CAPN8: variants seen among roughly 807,000 people sequenced by gnomAD.
CAPN8 encodes the protein calpain-8.
Under a neutral mutation model 80.9 loss-of-function variants are expected in CAPN8, and 87 were observed. The ratio of observed to expected loss-of-function variants is 1.07; its 90% CI spans 0.90 to 1.28. The LOEUF (loss-of-function observed/expected upper bound fraction) is 1.28. Among genes scored for constraint, CAPN8 ranks in the 50% most tolerant of loss-of-function variants. The probability of loss-of-function intolerance (pLI) is 0.00; values close to 1 mark genes in which losing one functional copy is unlikely to be tolerated. For missense variants in CAPN8, 757 were observed against 702.0 expected (o/e 1.08, Z -0.89); for synonymous variants, 299 against 273.8 (o/e 1.09, Z -0.91).
intron 2 of CAPN8, among the ~76,000 whole-genome samples, chr1:223,629,232 T>TGTGTG (rs68132305): frequency 0.088 from 11,713 of 132,468 alleles, 536 homozygotes; most frequent in East Asian, 0.14. Context: ...GTGTGTGTGT[T>TGTGTG]TATGTTCCTT....
Position 223,625,893 on chromosome 1 carries a change from G to C in CAPN8, c.730-5C>G, listed in dbSNP as rs377765505. ...GGCTTCGGCTGCACTGGAGACCTGC[G>C]TAGAGAAGAAAGTCCACTCAGTGGC... On this transcript the variant is annotated splice_polypyrimidine_tract_variant and splice_region_variant and intron_variant, in intron 5 of 20. Coordinates refer to ENST00000366872, the MANE Select transcript of CAPN8 (RefSeq NM_001143962.2). 6.5e-7 allele frequency: 1 copy of C among 1,549,900 alleles called. No individual in the cohort carries two copies.
At chr1:223,661,028 T>G (rs574318844) in intron 1 of CAPN8, among the ~76,000 whole-genome samples, 314 of 151,342 alleles carry the variant, frequency 2.1e-3, no homozygotes, top group African/African-American at 7.4e-3. Context: ...ATTAGCCAAT[T>G]GGTGGCAGGA....
chr1:223,548,628 A>G (rs1403641906), intron 16 of CAPN8, among the ~76,000 whole-genome samples: 1 of 152,158 alleles, frequency 6.6e-6, no homozygotes, highest in Non-Finnish European at 1.5e-5. Flanking sequence ...GAACTAGGAA[A>G]CTGGCCCTTA....
chr1:223,656,668 G>GTTTTTTTTTTTTTT (rs1331913444), intron 1 of CAPN8, among the ~76,000 whole-genome samples: 2 of 94,798 alleles, frequency 2.1e-5, no homozygotes, highest in Non-Finnish European at 2.1e-5. Flanking sequence ...CACGTTTTGG[G>GTTTTTTTTTTTTTT]TTTTTTTGTT....
At chr1:223,622,053 G>A (rs1172302996) in intron 7 of CAPN8, among the ~76,000 whole-genome samples, 1 of 151,994 alleles carries the variant, frequency 6.6e-6, no homozygotes, top group African/African-American at 2.4e-5. Context: ...TGATCCACCC[G>A]CCTAGGCCTC....
At chr1:223,633,691 C>T (rs1468239893) in intron 2 of CAPN8, among the ~76,000 whole-genome samples, 1 of 152,082 alleles carries the variant, frequency 6.6e-6, no homozygotes, top group Admixed American at 6.6e-5. Flanking sequence ...TAAAATCCAC[C>T]AGGAGATAAT....
chr1:223,625,967 A>C, intron 5 of CAPN8, 79 bp from the exon 6 acceptor site: 2 of 1,141,538 alleles, frequency 1.8e-6, no homozygotes, highest in Non-Finnish European at 2.6e-6. Flanking sequence ...CCAAGGACAC[A>C]CTACACAGCC....
intron 19 of CAPN8, 46 bp from the exon 20 acceptor site, chr1:223,543,212 G>C (rs1197083017): frequency 6.5e-7 from 1 of 1,547,076 alleles, no homozygotes; most frequent in East Asian, 2.4e-5. Flanking sequence ...GCTGTTCCTG[G>C]ACTTTGGAAC....
chr1:223,626,922 C>T, intron 5 of CAPN8, 67 bp downstream of exon 5: 1 of 1,505,670 alleles, frequency 6.6e-7, no homozygotes, highest in Non-Finnish European at 9.0e-7. Flanking sequence ...GCTGTCTCAT[C>T]CCTTCCCTAC....
chr1:223,651,933 G>A (rs1366357670), intron 2 of CAPN8, among the ~76,000 whole-genome samples: 3 of 152,210 alleles, frequency 2.0e-5, no homozygotes, highest in Admixed American at 1.3e-4. Flanking sequence ...AAAGAAACAC[G>A]GAGGGAATTT....
At chr1:223,650,951 A>G (rs1253643831) in intron 2 of CAPN8, among the ~76,000 whole-genome samples, 1 of 152,218 alleles carries the variant, frequency 6.6e-6, no homozygotes, top group Non-Finnish European at 1.5e-5. Flanking sequence ...TGGAACGAGC[A>G]GTGGAGGGAC....
chr1:223,541,631 T>C lies in CAPN8; in HGVS notation c.*205A>G. On this transcript the variant is annotated 3_prime_UTR_variant, in exon 21 of 21. Coordinates refer to ENST00000366872, the MANE Select transcript of CAPN8 (RefSeq NM_001143962.2). The stretch of plus-strand genomic sequence containing the variant: ...GTGGAAACCATTCTGGCTCACAACT[T>C]TAATTGATTGCTTTCCCTCCACTGG... 1 of 682,126 alleles carries C rather than the reference T, an allele frequency of 1.5e-6. No individual in the cohort carries two copies. The highest frequency in any genetic ancestry group is 2.5e-6 in the Non-Finnish European group (1 of 392,486). The allele number at this position is 682,126 out of a possible 1,614,324, so 42.3% of individuals were successfully genotyped here.
intron 2 of CAPN8, among the ~76,000 whole-genome samples, chr1:223,638,846 G>A (rs147466131): frequency 3.3e-5 from 5 of 152,326 alleles, no homozygotes; most frequent in South Asian, 2.1e-4. Context: ...TAAAGCACTC[G>A]TTCTCTGCAC....
At chr1:223,646,261 T>G (rs1182289386) in intron 2 of CAPN8, among the ~76,000 whole-genome samples, 1 of 152,256 alleles carries the variant, frequency 6.6e-6, no homozygotes, top group Non-Finnish European at 1.5e-5. Context: ...TCACCTGTCC[T>G]TTCTCTCGTG....
At chr1:223,618,354 G>C (rs372112264) in intron 9 of CAPN8, 3 of 1,543,202 alleles carry the variant, frequency 1.9e-6, no homozygotes, top group Non-Finnish European at 2.6e-6. Flanking sequence ...GAGGACCCAG[G>C]GTTAGTGCGG....
At chr1:223,545,073 A>G in intron 17 of CAPN8, 158 bp downstream of exon 17, 1 of 1,405,634 alleles carries the variant, frequency 7.1e-7, no homozygotes, top group Non-Finnish European at 9.6e-7. Flanking sequence ...TTGGCATGAG[A>G]GTCTCTCATT....
Position 223,627,220 on chromosome 1 carries a change from G to C in CAPN8, c.561-63C>G, listed in dbSNP as rs180869830. On this transcript the variant is annotated intron_variant, in intron 4 of 20. Transcript: ENST00000366872. ...CTCAGCAAGGAGACCCGGGGATTGG[G>C]GACCGGGACAGTGCTAGGACATACT... 2.6e-6 allele frequency: 4 copies of C among 1,514,278 alleles called. No homozygotes were observed. In the African/African-American group the frequency reaches 5.5e-5, roughly 21 times the overall value. 93.8% of individuals were successfully genotyped at this position (1,514,278 alleles called of 1,614,324 possible).
At chr1:223,622,304 T>C (rs976596369) in intron 7 of CAPN8, among the ~76,000 whole-genome samples, 4 of 152,258 alleles carry the variant, frequency 2.6e-5, no homozygotes, top group Admixed American at 2.6e-4. Context: ...AAGAGGAGTC[T>C]CTCCAGTCAG....
chr1:223,551,487 A>G (rs1656785566), intron 14 of CAPN8, among the ~76,000 whole-genome samples: 1 of 152,210 alleles, frequency 6.6e-6, no homozygotes, highest in African/African-American at 2.4e-5. Flanking sequence ...AACTCAAATT[A>G]TCCTCTTCTT....
Sources: gnomAD v4.1 joint callset for allele counts (sites outside exome capture counted in the v4.1 genomes callset) on GRCh38, gnomAD v4.1.1 for gene constraint, MANE v1.5 for transcripts, NCBI Gene and HGNC (gene_info 2026-07-23, HGNC 2026-07-21) for gene names.